Variants in SGMS1 observed in about 807,000 individuals in gnomAD.
SGMS1 encodes the protein phosphatidylcholine:ceramide cholinephosphotransferase 1.
A neutral mutation model predicts 46.2 loss-of-function variants in SGMS1; 13 were observed. The ratio of observed to expected loss-of-function variants is 0.28; its 90% CI spans 0.18 to 0.45. The LOEUF is 0.45. Among genes scored for constraint, SGMS1 ranks in the 20% least tolerant of loss-of-function variants. The pLI, the probability that SGMS1 is intolerant of heterozygous loss-of-function variation, is 1.00. For synonymous variants in SGMS1, 203 were observed against 187.8 expected (o/e 1.08, Z -0.66); for missense variants, 324 against 519.9 (o/e 0.62, Z 3.66).
intron 2 of SGMS1, among the ~76,000 whole-genome samples, chr10:50,583,483 A>G (rs1029507864): frequency 2.6e-5 from 4 of 152,118 alleles, no homozygotes; most frequent in Non-Finnish European, 4.4e-5. Flanking sequence ...TGGCTATCCA[A>G]TAGGAATAGG....
intron 8 of SGMS1, among the ~76,000 whole-genome samples, chr10:50,323,717 C>G (rs1180490658): frequency 6.6e-6 from 1 of 152,108 alleles, no homozygotes; most frequent in Non-Finnish European, 1.5e-5. Context: ...GTCATTATAC[C>G]AGTGTAAAAT....
At chr10:50,318,990 T>C (rs79077399) in intron 8 of SGMS1, among the ~76,000 whole-genome samples, 2,821 of 152,250 alleles carry the variant, frequency 0.019, 34 homozygotes, top group South Asian at 0.067. Context: ...AAAGGCTTGA[T>C]AAAATCTTAA....
chr10:50,583,276 A>C (rs939559032), intron 2 of SGMS1, among the ~76,000 whole-genome samples: 2 of 152,200 alleles, frequency 1.3e-5, no homozygotes, highest in Admixed American at 6.5e-5. Flanking sequence ...AATACATCTG[A>C]AAATGCTTTT....
At chr10:50,359,158 G>T (rs1341231964) in intron 6 of SGMS1, among the ~76,000 whole-genome samples, 1 of 152,170 alleles carries the variant, frequency 6.6e-6, no homozygotes, top group Non-Finnish European at 1.5e-5. Context: ...AGAAGGGCTT[G>T]CTGGAGTGTA....
At chr10:50,437,018 C>T (rs994732357) in intron 5 of SGMS1, among the ~76,000 whole-genome samples, 6 of 152,044 alleles carry the variant, frequency 3.9e-5, no homozygotes, top group South Asian at 2.1e-4. Flanking sequence ...AGAATGGGAG[C>T]GATATCAGTA....
intron 6 of SGMS1, among the ~76,000 whole-genome samples, chr10:50,402,858 A>G (rs941508063): frequency 6.6e-6 from 1 of 152,090 alleles, no homozygotes; most frequent in Admixed American, 6.6e-5. Context: ...CCTGTACCCC[A>G]TAGGTAGTTT....
At chr10:50,558,502 T>A (rs1388670463) in intron 2 of SGMS1, among the ~76,000 whole-genome samples, 2 of 152,174 alleles carry the variant, frequency 1.3e-5, no homozygotes, top group Non-Finnish European at 2.9e-5. Context: ...GAAAATGGGA[T>A]CTGGCATCCT....
intron 3 of SGMS1, among the ~76,000 whole-genome samples, chr10:50,504,649 T>C (rs1391218381): frequency 6.6e-6 from 1 of 152,086 alleles, no homozygotes; most frequent in Non-Finnish European, 1.5e-5. Flanking sequence ...CTAACAGCTA[T>C]ACTTGTAACC....
chr10:50,322,159 C>A (rs1370005338), intron 8 of SGMS1, among the ~76,000 whole-genome samples: 1 of 152,216 alleles, frequency 6.6e-6, no homozygotes, highest in Non-Finnish European at 1.5e-5. Flanking sequence ...TCAAGAGAAT[C>A]ATTTCACTGA....
At chr10:50,498,171 C>T (rs1042297608) in intron 3 of SGMS1, among the ~76,000 whole-genome samples, 3 of 152,158 alleles carry the variant, frequency 2.0e-5, no homozygotes, top group African/African-American at 7.2e-5. Flanking sequence ...GCTTTTTCAG[C>T]AATGCTGTTT....
At chr10:50,574,727 A>C (rs1838365187) in intron 2 of SGMS1, among the ~76,000 whole-genome samples, 1 of 152,092 alleles carries the variant, frequency 6.6e-6, no homozygotes, top group Non-Finnish European at 1.5e-5. Context: ...ATGATATGGA[A>C]ACAATACAGA....
intron 2 of SGMS1, among the ~76,000 whole-genome samples, chr10:50,558,300 A>G: frequency 6.6e-6 from 1 of 152,142 alleles, no homozygotes; most frequent in East Asian, 1.9e-4. Context: ...TTATTTGCAG[A>G]TTTTTTAAAT....
intron 1 of SGMS1, among the ~76,000 whole-genome samples, chr10:50,613,961 T>A (rs1335879047): frequency 6.6e-6 from 1 of 152,224 alleles, no homozygotes; most frequent in African/African-American, 2.4e-5. Context: ...AAGCTCTTTT[T>A]TCCTACAAAC....
At chr10:50,356,088 T>C (rs1018287588) in intron 6 of SGMS1, among the ~76,000 whole-genome samples, 1 of 152,134 alleles carries the variant, frequency 6.6e-6, no homozygotes, top group African/African-American at 2.4e-5. Context: ...GAACGGGCCA[T>C]GATGACGATG....
At chr10:50,329,483 G>A (rs1245078721) in intron 7 of SGMS1, among the ~76,000 whole-genome samples, 1 of 152,162 alleles carries the variant, frequency 6.6e-6, no homozygotes, top group African/African-American at 2.4e-5. Context: ...TAATATTTTT[G>A]AAATTAAGCT....
intron 3 of SGMS1, among the ~76,000 whole-genome samples, chr10:50,479,192 C>T (rs1291485320): frequency 2.0e-5 from 3 of 151,942 alleles, no homozygotes; most frequent in Admixed American, 6.6e-5. Flanking sequence ...CCTAGTGAAA[C>T]TGATTCACTT....
At chr10:50,444,931 C>G (rs1286753303) in intron 5 of SGMS1, among the ~76,000 whole-genome samples, 2 of 152,020 alleles carry the variant, frequency 1.3e-5, no homozygotes, top group Admixed American at 1.3e-4. Flanking sequence ...AGGCAACCAC[C>G]AACTGGAAAA....
chr10:50,428,403 G>A (rs1849357819), intron 6 of SGMS1, among the ~76,000 whole-genome samples: 3 of 152,230 alleles, frequency 2.0e-5, no homozygotes, highest in South Asian at 4.2e-4. Context: ...AGCTAGCCAT[G>A]GGGCATCAGC....
At chr10:50,342,245 A>G (rs181786680) in intron 7 of SGMS1, 3 of 152,248 alleles carry the variant, frequency 2.0e-5, no homozygotes, top group African/African-American at 7.2e-5. Context: ...TTGTATTTCT[A>G]AAGCCTATTC....
Sources: allele counts gnomAD v4.1 joint callset (sites outside exome capture counted in the v4.1 genomes callset), GRCh38; gene constraint gnomAD v4.1.1; transcripts MANE v1.5; gene names NCBI Gene and HGNC (gene_info 2026-07-23, HGNC 2026-07-21).